The following SIMC1 variants were observed in gnomAD, a reference collection of about 807,000 sequenced individuals.
SIMC1 encodes SUMO-interacting motif-containing protein 1.
Under a neutral mutation model 82.3 loss-of-function variants are expected in SIMC1, and 55 were observed. The ratio of observed to expected loss-of-function variants is 0.67; its 90% CI spans 0.54 to 0.84. The LOEUF (loss-of-function observed/expected upper bound fraction) is 0.84, where lower values mean the gene tolerates loss of function less well. Ranked by LOEUF, SIMC1 falls within the 40% of genes least tolerant of loss-of-function variation. The pLI is 0.00. For missense variants in SIMC1, 915 were observed against 1,107.2 expected (o/e 0.83, Z 2.46); for synonymous variants, 353 against 426.3 (o/e 0.83, Z 2.12).
chr5:176,271,134 C>T (rs1259335469), intron 1 of SIMC1, among the ~76,000 whole-genome samples: 2 of 152,022 alleles, frequency 1.3e-5, no homozygotes, highest in Non-Finnish European at 2.9e-5. Context: ...CCAAGGTGGG[C>T]GGATCACCTG....
chr5:176,322,087 T>C (rs1419016193), intron 5 of SIMC1, among the ~76,000 whole-genome samples, 186 bp from the exon 6 acceptor site: 1 of 152,084 alleles, frequency 6.6e-6, no homozygotes, highest in Non-Finnish European at 1.5e-5. Flanking sequence ...ACTTGTTTAA[T>C]TATTGAAAAT....
Position 176,322,330 on chromosome 5 carries a change from A to G in SIMC1, c.1947A>G (p.Pro649=). 6.3e-7 allele frequency: 1 copy of G among 1,591,086 alleles called. No individual in the cohort carries two copies. The highest frequency in any genetic ancestry group is 8.6e-7 in the Non-Finnish European group (1 of 1,168,414). The part of the protein sequence containing the change: ...AVTEDGLTQP[P]NGNQTSSGTG... ...CTGAAGATGGATTGACTCAGCCCCC[A>G]AATGGAAATCAAACGTCTTCAGGAA... Residue 649 remains proline, a synonymous_variant, in exon 6 of 10, where the codon CCA becomes CCG. Transcript: ENST00000429602.
intron 1 of SIMC1, among the ~76,000 whole-genome samples, chr5:176,281,911 G>A (rs1275339033): frequency 1.1e-4 from 16 of 152,298 alleles, no homozygotes; most frequent in Admixed American, 4.6e-4. Flanking sequence ...CAGTCTGCCC[G>A]TTCTCAGATC....
intron 9 of SIMC1, among the ~76,000 whole-genome samples, chr5:176,338,205 C>A (rs1230746788): frequency 2.0e-5 from 3 of 152,150 alleles, no homozygotes; most frequent in Non-Finnish European, 4.4e-5. Flanking sequence ...CTGACCTGTA[C>A]TTTTTTAAAG....
intron 4 of SIMC1, among the ~76,000 whole-genome samples, chr5:176,299,382 A>T (rs1029899937): frequency 2.0e-5 from 3 of 150,374 alleles, no homozygotes; most frequent in African/African-American, 7.3e-5. Flanking sequence ...ACATAGCAAG[A>T]CCCTGTCTCT....
At chr5:176,334,196 G>T (rs2113402721) in intron 7 of SIMC1, among the ~76,000 whole-genome samples, 1 of 152,074 alleles carries the variant, frequency 6.6e-6, no homozygotes, top group Middle Eastern at 3.4e-3. Flanking sequence ...TTTTTTACTT[G>T]TCTGGTAATT....
intron 1 of SIMC1, among the ~76,000 whole-genome samples, chr5:176,260,265 C>T (rs1761971801): frequency 6.6e-6 from 1 of 151,992 alleles, no homozygotes; most frequent in Non-Finnish European, 1.5e-5. Context: ...GGGAGCTAAA[C>T]TATGAGGATG....
At chr5:176,289,516 T>G in intron 1 of SIMC1, 138 bp from the exon 2 acceptor site, 2 of 674,536 alleles carry the variant, frequency 3.0e-6, no homozygotes, top group Non-Finnish European at 5.0e-6. Flanking sequence ...CTATTGCTTA[T>G]GTTACACAAG....
intron 4 of SIMC1, among the ~76,000 whole-genome samples, chr5:176,299,414 A>G (rs1020626400): frequency 1.5e-4 from 23 of 152,208 alleles, no homozygotes; most frequent in African/African-American, 5.5e-4. Flanking sequence ...AAAGAAATAA[A>G]GATTTGCTGA....
intron 1 of SIMC1, among the ~76,000 whole-genome samples, chr5:176,244,731 T>C (rs1199660968): frequency 6.8e-6 from 1 of 146,656 alleles, no homozygotes. Flanking sequence ...TTTTTTTTTT[T>C]TTTTTTTGAG....
At chr5:176,308,616 C>A in intron 4 of SIMC1, 1 of 1,584,898 alleles carries the variant, frequency 6.3e-7, no homozygotes, top group Non-Finnish European at 8.7e-7. Flanking sequence ...TTCAGAGTCC[C>A]TTCATGGTCC....
intron 1 of SIMC1, among the ~76,000 whole-genome samples, chr5:176,281,927 C>T (rs1277585214): frequency 2.6e-5 from 4 of 152,216 alleles, no homozygotes; most frequent in African/African-American, 7.2e-5. Context: ...AGATCTCCAG[C>T]TGCGTGCTGG....
In SIMC1 at chr5:176,290,971, C is replaced by T. The variant is rs1394023826; in HGVS notation, c.1431+16C>T. 3.3e-6 allele frequency: 5 copies of T among 1,529,442 alleles called. No homozygotes were observed. The highest frequency in any genetic ancestry group is 4.4e-6 in the Non-Finnish European group (5 of 1,136,326). The allele number at this position is 1,529,442 out of a possible 1,614,324, so 94.7% of individuals were successfully genotyped here. A position where few individuals can be genotyped will look rare whatever the true frequency, so the allele number is the denominator to read the frequency against. On this transcript the variant is annotated intron_variant, in intron 2 of 9. Transcript: ENST00000429602. ...CACAAGAGAGGTGAGCTAACATCTT[C>T]CCTCAGGGATTAGGTGTCCTTTCCC...
At chr5:176,326,566 A>ATTTAT (rs1765402712) in intron 7 of SIMC1, among the ~76,000 whole-genome samples, 1 of 151,138 alleles carries the variant, frequency 6.6e-6, no homozygotes. Flanking sequence ...ATCCCTATTT[A>ATTTAT]TTTATTTATT....
intron 4 of SIMC1, chr5:176,313,478 T>A: frequency 6.4e-7 from 1 of 1,550,834 alleles, no homozygotes; most frequent in South Asian, 1.2e-5. Context: ...TTCTGAAACC[T>A]TATAAGGTAT....
chr5:176,325,435 C>T (rs573733221), intron 7 of SIMC1, among the ~76,000 whole-genome samples: 2 of 150,552 alleles, frequency 1.3e-5, no homozygotes, highest in East Asian at 2.0e-4. Flanking sequence ...CCTGTAATCC[C>T]AGCACTTTGG....
Position 176,254,239 on chromosome 5 carries a change from T to C in SIMC1, c.129+15602T>C, listed in dbSNP as rs796150565. 4.1e-3 allele frequency among the ~76,000 whole-genome samples: 622 copies of C among 152,252 alleles called. 3 individuals carry two copies. Among genetic ancestry groups the C allele is most frequent in the African/African-American group, 0.014 (584 of 41,518 alleles). On this transcript the variant is annotated intron_variant, in intron 1 of 9. Transcript: ENST00000429602. ...CAAGTTACCAACAGAAGCTGCTGAT[T>C]GTGAAATTTCAATTACACCGTTATC...
Position 176,296,242 on chromosome 5 carries a change from G to A in SIMC1, c.1665-9G>A. On this transcript the variant is annotated splice_polypyrimidine_tract_variant and intron_variant, in intron 3 of 9. Transcript: ENST00000429602. ...TCCATAATTCTAATTGATTTCACTTGACTTTCAGGCTACATCCAGCCAATG... is the reference window on the plus strand; with the variant it reads ...TCCATAATTCTAATTGATTTCACTTAACTTTCAGGCTACATCCAGCCAATG... 1 of 1,610,440 alleles carries A rather than the reference G, an allele frequency of 6.2e-7. No individual in the cohort carries two copies. Among genetic ancestry groups the A allele is most frequent in the Non-Finnish European group, 8.5e-7 (1 of 1,177,914 alleles).
intron 1 of SIMC1, among the ~76,000 whole-genome samples, chr5:176,248,384 T>G (rs1761522350): frequency 6.6e-6 from 1 of 152,158 alleles, no homozygotes; most frequent in African/African-American, 2.4e-5. Flanking sequence ...GAATGGGAGC[T>G]TGCTCATGAT....
Sources: gnomAD v4.1 joint callset for allele counts (sites outside exome capture counted in the v4.1 genomes callset) on GRCh38, gnomAD v4.1.1 for gene constraint, MANE v1.5 for transcripts, NCBI Gene and HGNC (gene_info 2026-07-23, HGNC 2026-07-21) for gene names.